The following DDAH1 variants were observed in gnomAD, a reference collection of about 807,000 sequenced individuals.
DDAH1 encodes N(G),N(G)-dimethylarginine dimethylaminohydrolase 1.
A neutral mutation model predicts 28.8 loss-of-function variants in DDAH1; 19 were observed. That is an observed-to-expected ratio of 0.66 (90% CI 0.46 to 0.97). DDAH1 has a LOEUF of 0.97. Ranked by LOEUF, DDAH1 falls within the 50% of genes least tolerant of loss-of-function variation. The pLI is 0.00. For missense variants in DDAH1, 326 were observed against 375.9 expected (o/e 0.87, Z 1.10); for synonymous variants, 153 against 154.4 (o/e 0.99, Z 0.07).
chr1:85,508,974 C>G (rs1657127800), intron 1 of DDAH1, among the ~76,000 whole-genome samples: 1 of 152,216 alleles, frequency 6.6e-6, no homozygotes, highest in Non-Finnish European at 1.5e-5. Context: ...AGTGGTGCTC[C>G]CAGCCAGGCG....
chr1:85,519,558 T>G (rs1657600853), intron 1 of DDAH1, among the ~76,000 whole-genome samples: 1 of 151,952 alleles, frequency 6.6e-6, no homozygotes, highest in Non-Finnish European at 1.5e-5. Flanking sequence ...AAAAAGGAAT[T>G]TTAAAATGAT....
intron 1 of DDAH1, among the ~76,000 whole-genome samples, chr1:85,461,855 G>A (rs1252709084): frequency 6.6e-6 from 1 of 152,138 alleles, no homozygotes; most frequent in East Asian, 1.9e-4. Flanking sequence ...CATAAAAGGA[G>A]AACCAATTCC....
Position 85,575,622 on chromosome 1 carries a change from T to C in DDAH1, c.-123+2362A>G, listed in dbSNP as rs117347976. Among the ~76,000 whole-genome samples the C allele has an allele frequency of 1.6e-3, 249 of 152,384 alleles. 3 individuals carry two copies. The South Asian group carries it at 0.025, about 15-fold the overall frequency. The stretch of plus-strand genomic sequence containing the variant: ...CAGGTAATTTATCAACTATTTTTTA[T>C]ATCTGATGCATTTCACCTAGACTAT... On this transcript the variant is annotated intron_variant, in intron 1 of 6. Coordinates refer to the DDAH1 transcript ENST00000426972.
chr1:85,560,757 G>A (rs961567344), intron 1 of DDAH1, among the ~76,000 whole-genome samples: 4 of 152,036 alleles, frequency 2.6e-5, no homozygotes, highest in African/African-American at 9.7e-5. Flanking sequence ...AATTCTGACT[G>A]AACTGATTAT....
chr1:85,469,034 A>G (rs1655522633), upstream of DDAH1, among the ~76,000 whole-genome samples: 1 of 152,232 alleles, frequency 6.6e-6, no homozygotes, highest in Admixed American at 6.5e-5. Flanking sequence ...AACAAGAAAG[A>G]ACATACAGCC....
At chr1:85,362,335 C>T (rs2100865840) in intron 1 of DDAH1, among the ~76,000 whole-genome samples, 1 of 152,258 alleles carries the variant, frequency 6.6e-6, no homozygotes, top group Non-Finnish European at 1.5e-5. Context: ...TTCCACAGGA[C>T]TCAAAAGAGC....
chr1:85,396,871 T>A (rs1325815047), intron 1 of DDAH1, among the ~76,000 whole-genome samples: 5 of 151,676 alleles, frequency 3.3e-5, no homozygotes, highest in Non-Finnish European at 7.4e-5. Context: ...CCTATTGCTA[T>A]AAGAAATACA....
rs1412305345 is a variant in DDAH1 at position 85,561,725 on chromosome 1, T to C, written c.-123+16259A>G. On this transcript the variant is annotated intron_variant, in intron 1 of 6. Coordinates refer to the DDAH1 transcript ENST00000426972. ...AAATGGTATAACATGTTAGGTGTAA[T>C]GATGGAGACCAGAGAACTGCCTGCC... Among the ~76,000 whole-genome samples the C allele has an allele frequency of 2.0e-5, 3 of 152,174 alleles. No individual in the cohort carries two copies. In the East Asian group the frequency reaches 5.8e-4, roughly 29 times the overall value.
chr1:85,342,592 T>C (rs1448867416), intron 4 of DDAH1, among the ~76,000 whole-genome samples: 2 of 152,234 alleles, frequency 1.3e-5, no homozygotes, highest in South Asian at 2.1e-4. Flanking sequence ...GTTTATACAA[T>C]GTTTAATTCT....
chr1:85,448,548 G>C (rs949741373), intron 1 of DDAH1, among the ~76,000 whole-genome samples: 1 of 152,124 alleles, frequency 6.6e-6, no homozygotes, highest in Non-Finnish European at 1.5e-5. Flanking sequence ...ACATAAATGA[G>C]CGGTGTCTTA....
At chr1:85,502,191 C>T (rs560029172) in intron 1 of DDAH1, among the ~76,000 whole-genome samples, 18 of 152,288 alleles carry the variant, frequency 1.2e-4, no homozygotes, top group South Asian at 2.1e-4. Flanking sequence ...TTTGAAGACA[C>T]GGACAATGTC....
chr1:85,537,124 T>C (rs1427673573), intron 1 of DDAH1, among the ~76,000 whole-genome samples: 1 of 151,496 alleles, frequency 6.6e-6, no homozygotes, highest in Non-Finnish European at 1.5e-5. Flanking sequence ...GCATATTGCT[T>C]GAGCTCAGGA....
At chr1:85,329,262 C>T (rs1458458376) in intron 4 of DDAH1, among the ~76,000 whole-genome samples, 1 of 152,192 alleles carries the variant, frequency 6.6e-6, no homozygotes, top group Non-Finnish European at 1.5e-5. Context: ...GAAAGTACCA[C>T]GTGTCACTGA....
intron 2 of DDAH1, among the ~76,000 whole-genome samples, chr1:85,478,771 C>A (rs1557675665): frequency 6.6e-6 from 1 of 152,140 alleles, no homozygotes; most frequent in Non-Finnish European, 1.5e-5. Flanking sequence ...GTGTTCAGAT[C>A]CTCATCAGAA....
At chr1:85,389,406 A>G (rs1381155138) in intron 1 of DDAH1, among the ~76,000 whole-genome samples, 1 of 152,178 alleles carries the variant, frequency 6.6e-6, no homozygotes, top group African/African-American at 2.4e-5. Flanking sequence ...TTAGTCTGGG[A>G]GTCTAGACTA....
At chr1:85,490,809 G>A (rs1306545631) in intron 2 of DDAH1, among the ~76,000 whole-genome samples, 2 of 152,184 alleles carry the variant, frequency 1.3e-5, no homozygotes, top group Non-Finnish European at 2.9e-5. Context: ...GATAACACAA[G>A]TGGGGGACAA....
At chr1:85,423,696 G>A (rs2100618926) in intron 1 of DDAH1, among the ~76,000 whole-genome samples, 1 of 151,980 alleles carries the variant, frequency 6.6e-6, no homozygotes, top group African/African-American at 2.4e-5. Flanking sequence ...TTTCTTTTTT[G>A]TCAGTTCTTT....
chr1:85,552,238 C>T (rs1488866385), intron 1 of DDAH1, among the ~76,000 whole-genome samples: 3 of 152,182 alleles, frequency 2.0e-5, no homozygotes, highest in Non-Finnish European at 2.9e-5. Flanking sequence ...TACACTAGCC[C>T]TCTACATACT....
At chr1:85,415,070 A>AAT (rs1402239263) in intron 1 of DDAH1, among the ~76,000 whole-genome samples, 1 of 132,064 alleles carries the variant, frequency 7.6e-6, no homozygotes, top group East Asian at 2.3e-4. Context: ...GCTGGAGTGC[A>AAT]ATGGTGCTAT....
Sources: allele counts gnomAD v4.1 joint callset (sites outside exome capture counted in the v4.1 genomes callset), GRCh38; gene constraint gnomAD v4.1.1; transcripts MANE v1.5; gene names NCBI Gene and HGNC (gene_info 2026-07-23, HGNC 2026-07-21).